The following MPDZ variants were observed in gnomAD, a reference collection of about 807,000 sequenced individuals.
The protein encoded by MPDZ is multiple PDZ domain crumbs cell polarity complex component.
A neutral mutation model predicts 239.1 loss-of-function variants in MPDZ; 234 were observed. That is an observed-to-expected ratio of 0.98 (90% CI 0.88 to 1.09). MPDZ has a LOEUF of 1.09. MPDZ is among the 50% of genes least tolerant of loss of function. The probability of loss-of-function intolerance (pLI) is 0.00; values close to 1 mark genes in which losing one functional copy is unlikely to be tolerated. For missense variants in MPDZ, 3,175 were observed against 2,510.0 expected (o/e 1.26, Z -5.66); for synonymous variants, 1,048 against 881.3 (o/e 1.19, Z -3.35).
intron 1 of MPDZ, among the ~76,000 whole-genome samples, chr9:13,252,606 C>A (rs796974932): frequency 6.7e-6 from 1 of 149,838 alleles, no homozygotes; most frequent in Admixed American, 6.7e-5. Flanking sequence ...CATGGTGGCT[C>A]ATGCCTGTAA....
intron 19 of MPDZ, among the ~76,000 whole-genome samples, chr9:13,180,624 T>G (rs1442428064): frequency 1.3e-5 from 2 of 152,200 alleles, no homozygotes; most frequent in African/African-American, 4.8e-5. Context: ...TTTCTGCATT[T>G]TGTCATATCT....
At chr9:13,238,858 A>G (rs1964713719) in intron 3 of MPDZ, among the ~76,000 whole-genome samples, 1 of 152,162 alleles carries the variant, frequency 6.6e-6, no homozygotes, top group Non-Finnish European at 1.5e-5. Context: ...CACATTAAAT[A>G]TATGTGCAAA....
At chr9:13,245,426 A>G (rs1564119687) in intron 3 of MPDZ, among the ~76,000 whole-genome samples, 6 of 148,966 alleles carry the variant, frequency 4.0e-5, no homozygotes, top group Non-Finnish European at 7.5e-5. Context: ...AAAAAAAAAA[A>G]GAAGAAGAAG....
chr9:13,110,451 T>A (rs1942260679), intron 44 of MPDZ, among the ~76,000 whole-genome samples, 185 bp downstream of exon 44: 1 of 152,148 alleles, frequency 6.6e-6, no homozygotes. Flanking sequence ...TGCATCAGAG[T>A]AAAATGTTAC....
intron 18 of MPDZ, among the ~76,000 whole-genome samples, chr9:13,184,913 G>T (rs2134600594): frequency 6.6e-6 from 1 of 152,102 alleles, no homozygotes; most frequent in African/African-American, 2.4e-5. Flanking sequence ...AAGATGCCAA[G>T]CTCACATAAA....
chr9:13,124,763 T>C (rs886200410), intron 35 of MPDZ, among the ~76,000 whole-genome samples: 2 of 152,082 alleles, frequency 1.3e-5, no homozygotes, highest in African/African-American at 4.8e-5. Flanking sequence ...ATCCCACCTA[T>C]GAAATAGGAT....
intron 1 of MPDZ, among the ~76,000 whole-genome samples, chr9:13,263,527 A>C (rs1971168283): frequency 6.6e-6 from 1 of 152,228 alleles, no homozygotes. Flanking sequence ...GCAAAACTAA[A>C]GGAAATATTA....
chr9:13,107,139 T>C (rs1434372228), intron 46 of MPDZ, 28 bp from the exon 47 acceptor site: 2 of 1,531,318 alleles, frequency 1.3e-6, no homozygotes, highest in Admixed American at 1.8e-5. Context: ...GACTTGTTTA[T>C]TTCTCAAAAA....
intron 24 of MPDZ, among the ~76,000 whole-genome samples, chr9:13,154,452 G>A (rs1270672289): frequency 6.6e-6 from 1 of 152,062 alleles, no homozygotes; most frequent in Non-Finnish European, 1.5e-5. Flanking sequence ...TGAGTCTCTG[G>A]GTTCCAGTCC....
intron 10 of MPDZ, among the ~76,000 whole-genome samples, chr9:13,210,801 C>T (rs755200180): frequency 6.6e-6 from 1 of 152,062 alleles, no homozygotes; most frequent in Non-Finnish European, 1.5e-5. Context: ...AAAAATCCAT[C>T]ATCTGTTATT....
rs746916432 is a variant in MPDZ, at chr9:13,119,509, A to G, written c.5372T>C (p.Leu1791Ser). Residue 1791 changes from leucine to serine, a missense_variant, in exon 39 of 47, where the codon TTG (leucine) becomes TCG (serine). Leu to Ser is a moderately radical substitution (Grantham distance 145, BLOSUM62 -2). Coordinates refer to ENST00000319217, the MANE Select transcript of MPDZ (RefSeq NM_001378778.1). ...RNATQEAVAA[L>S]LKCSLGTVTL... is the part of the protein sequence containing the mutation. ...ATTTTTTGCATTTTTTACCTTTAGCAAAGCGGCAACCGCTTCTTGGGTGGC... is the reference window on the plus strand; with the variant it reads ...ATTTTTTGCATTTTTTACCTTTAGCGAAGCGGCAACCGCTTCTTGGGTGGC... 1.2e-6 allele frequency: 2 copies of G among 1,608,412 alleles called. No homozygotes were observed. The highest frequency in any genetic ancestry group is 2.7e-5 in the African/African-American group (2 of 74,606).
At chr9:13,244,377 G>T (rs1402625291) in intron 3 of MPDZ, among the ~76,000 whole-genome samples, 1 of 152,140 alleles carries the variant, frequency 6.6e-6, no homozygotes, top group Admixed American at 6.5e-5. Flanking sequence ...TGACAGTGAG[G>T]ACACTACTTG....
intron 1 of MPDZ, among the ~76,000 whole-genome samples, chr9:13,254,314 T>C (rs1968872811): frequency 6.6e-6 from 1 of 152,210 alleles, no homozygotes; most frequent in South Asian, 2.1e-4. Flanking sequence ...TGTCCATACA[T>C]CTTTAAACAA....
chr9:13,125,098 C>G, intron 35 of MPDZ, 118 bp downstream of exon 35: 1 of 940,434 alleles, frequency 1.1e-6, no homozygotes, highest in Non-Finnish European at 1.6e-6. Context: ...ATAGGGCTCC[C>G]TGACTACAAC....
chr9:13,164,160 G>C (rs77925094), intron 22 of MPDZ, among the ~76,000 whole-genome samples: 1 of 152,134 alleles, frequency 6.6e-6, no homozygotes, highest in Non-Finnish European at 1.5e-5. Flanking sequence ...GAATCTCTTC[G>C]TGACACTTTT....
chr9:13,108,788 T>G, intron 46 of MPDZ, 148 bp downstream of exon 46: 1 of 658,134 alleles, frequency 1.5e-6, no homozygotes, highest in Non-Finnish European at 2.2e-6. Context: ...AAATATTTAA[T>G]GACCTGTTCC....
intron 9 of MPDZ, 27 bp downstream of exon 9, chr9:13,217,153 A>G: frequency 7.3e-7 from 1 of 1,377,148 alleles, no homozygotes; most frequent in East Asian, 2.4e-5. Flanking sequence ...TGTCAAGTTT[A>G]AAAGAATACT....
chr9:13,158,255 A>G, intron 23 of MPDZ, 145 bp from the exon 24 acceptor site: 1 of 635,580 alleles, frequency 1.6e-6, no homozygotes, highest in South Asian at 2.2e-5. Flanking sequence ...ATATTTTTAC[A>G]TCGGGGGGAA....
At chr9:13,153,335 T>A (rs540419343) in intron 24 of MPDZ, among the ~76,000 whole-genome samples, 1 of 152,284 alleles carries the variant, frequency 6.6e-6, no homozygotes, top group African/African-American at 2.4e-5. Flanking sequence ...CTTGATCTTA[T>A]AAAATTTTTG....
Sources: gnomAD v4.1 joint callset for allele counts (sites outside exome capture counted in the v4.1 genomes callset) on GRCh38, gnomAD v4.1.1 for gene constraint, MANE v1.5 for transcripts, NCBI Gene and HGNC (gene_info 2026-07-23, HGNC 2026-07-21) for gene names.